The following TREML4 variants were observed in gnomAD, a reference collection of about 807,000 sequenced individuals.
The protein encoded by TREML4 is triggering receptor expressed on myeloid cells like 4.
Under a neutral mutation model 25.4 loss-of-function variants are expected in TREML4, and 25 were observed. That is an observed-to-expected ratio of 0.98 (90% CI 0.72 to 1.37). The LOEUF (loss-of-function observed/expected upper bound fraction) is 1.37. Among genes scored for constraint, TREML4 ranks in the 40% most tolerant of loss-of-function variants. The pLI, the probability that TREML4 is intolerant of heterozygous loss-of-function variation, is 0.00. For missense variants in TREML4, 268 were observed against 236.5 expected (o/e 1.13, Z -0.87); for synonymous variants, 92 against 87.9 (o/e 1.05, Z -0.26).
rs571044619 is a variant in TREML4, at chr6:41,228,913, A to G, written c.263A>G (p.Asn88Ser). Residue 88 changes from asparagine to serine, a missense_variant, in exon 2 of 6, where the codon AAT (asparagine) becomes AGT (serine). Transcript: ENST00000341495. ...CATTACACAATCTGGGACAAGCCCA[A>G]TGCTGGCTTCTTCAACATCACCATG... ...KSHYTIWDKP[N>S]AGFFNITMIQ... is the part of the protein sequence containing the mutation. 21 of 1,614,070 alleles carry G rather than the reference A, an allele frequency of 1.3e-5. No individual in the cohort carries two copies. Among genetic ancestry groups the G allele is most frequent in the South Asian group, 2.2e-5 (2 of 91,086 alleles).
At chr6:41,233,946 T>A (rs1487248102) in intron 4 of TREML4, among the ~76,000 whole-genome samples, 1 of 151,652 alleles carries the variant, frequency 6.6e-6, no homozygotes, top group Non-Finnish European at 1.5e-5. Flanking sequence ...ATATTATGTA[T>A]GTTTTATAAA....
At position 41,237,448 on chromosome 6, in the gene TREML4, C is replaced by G. The variant is rs1235538687; in HGVS notation, c.*429C>G. The G allele has an allele frequency of 6.6e-6, 1 of 152,430 alleles. No homozygotes were observed. Among genetic ancestry groups the G allele is most frequent in the African/African-American group, 2.4e-5 (1 of 41,446 alleles). 9.4% of individuals were successfully genotyped at this position (152,430 alleles called of 1,614,324 possible). ...CTCTGAGCCCCACCTCAGCAGGTCTCCAGGATCCCTCACATTTCCCCTGTT... is the reference window on the plus strand; with the variant it reads ...CTCTGAGCCCCACCTCAGCAGGTCTGCAGGATCCCTCACATTTCCCCTGTT... On this transcript the variant is annotated 3_prime_UTR_variant, in exon 6 of 6. Coordinates refer to ENST00000341495, the MANE Select transcript of TREML4 (RefSeq NM_198153.3).
intron 4 of TREML4, 48 bp downstream of exon 4, chr6:41,230,170 GC>G (rs755659129): frequency 6.9e-7 from 1 of 1,457,344 alleles, no homozygotes; most frequent in East Asian, 2.3e-5. Context: ...GGAAGGGAGG[GC>G]CTGATTAGCT....
At position 41,228,379 on chromosome 6, in the gene TREML4, C is replaced by A; in HGVS notation, c.-49C>A. 6 of 1,446,666 alleles carry A rather than the reference C, an allele frequency of 4.1e-6. No homozygotes were observed. The highest frequency in any genetic ancestry group is 1.3e-5 in the South Asian group (1 of 79,304). 89.6% of individuals were successfully genotyped at this position (1,446,666 alleles called of 1,614,324 possible). A position where few individuals can be genotyped will look rare whatever the true frequency, so the allele number is the denominator to read the frequency against. On this transcript the variant is annotated 5_prime_UTR_variant, in exon 1 of 6. Transcript: ENST00000341495. ...CAGCGTCTGACTCCTCCTGAGAGGG[C>A]TCCCTTTTTTCTCCTCTCCTCCGCT...
chr6:41,229,593 G>C, intron 3 of TREML4, 22 bp downstream of exon 3: 1 of 1,613,222 alleles, frequency 6.2e-7, no homozygotes, highest in Non-Finnish European at 8.5e-7. Flanking sequence ...GCCTCGGTGG[G>C]GGAAGATTAG....
chr6:41,236,058 A>G (rs12527692), intron 4 of TREML4, among the ~76,000 whole-genome samples: 76,479 of 151,682 alleles, frequency 0.5, 19,845 homozygotes, highest in South Asian at 0.58. Flanking sequence ...TGCTGTCACC[A>G]CTCCTAAGGG....
In TREML4 at chr6:41,228,843, T is replaced by C; in HGVS notation, c.193T>C (p.Leu65=). ...GCAGACATCTCCAAGTCGGTGTACC[T>C]TACTTGTCACCAGCTCCAAGCCCTG... The part of the protein sequence containing the change: ...CQQTSPSRCT[L]LVTSSKPWTA... Residue 65 remains leucine (L), a synonymous_variant, in exon 2 of 6, where the codon TTA becomes CTA. Coordinates refer to ENST00000341495, the MANE Select transcript of TREML4 (RefSeq NM_198153.3). The C allele has an allele frequency of 6.2e-7, 1 of 1,614,150 alleles. No individual in the cohort carries two copies. The highest frequency in any genetic ancestry group is 8.5e-7 in the Non-Finnish European group (1 of 1,180,004).
At chr6:41,231,109 A>G in intron 4 of TREML4, 1 of 446,150 alleles carries the variant, frequency 2.2e-6, no homozygotes, top group South Asian at 1.6e-5. Flanking sequence ...AATCAAGTTC[A>G]GGGCTCCCAC....
chr6:41,236,562 G>C lies in TREML4; in HGVS notation c.583G>C (p.Ala195Pro). The change falls in exon 5 of 6, where the codon GCC (alanine) becomes CCC (proline). Residue 195 changes from alanine (A) to proline (P), a missense_variant. Ala to Pro is a conservative substitution (Grantham distance 27). Coordinates refer to ENST00000341495, the MANE Select transcript of TREML4 (RefSeq NM_198153.3). Reference protein sequence around the residue: ...LVLVLCGLLLAKGLML With the variant: ...LVLVLCGLLLPKGLML ...CTTGGTGCTATGTGGACTCCTCCTG[G>C]CCAAGGGCCTGATGTTGTGAGTCCT... 1 of 1,614,020 alleles carries C rather than the reference G, an allele frequency of 6.2e-7. No homozygotes were observed. The highest frequency in any genetic ancestry group is 8.5e-7 in the Non-Finnish European group (1 of 1,179,914).
Position 41,228,355 on chromosome 6 carries a change from A to G in TREML4, c.-73A>G. On this transcript the variant is annotated 5_prime_UTR_variant, in exon 1 of 6. Coordinates refer to ENST00000341495, the MANE Select transcript of TREML4 (RefSeq NM_198153.3). ...GGGAACCTGGGGCAGAATCAGACCC[A>G]GCGTCTGACTCCTCCTGAGAGGGCT... The G allele has an allele frequency of 4.2e-6, 4 of 947,530 alleles. No homozygotes were observed. The highest frequency in any genetic ancestry group is 5.9e-6 in the Non-Finnish European group (4 of 672,960). 58.7% of individuals were successfully genotyped at this position (947,530 alleles called of 1,614,324 possible).
At position 41,229,025 on chromosome 6, in the gene TREML4, C is replaced by G. The variant is rs1766735396; in HGVS notation, c.375C>G (p.Ile125Met). 6.2e-7 allele frequency: 1 copy of G among 1,613,614 alleles called. No homozygotes were observed. The highest frequency in any genetic ancestry group is 1.3e-5 in the African/African-American group (1 of 75,002). The change falls in exon 2 of 6, where the codon ATC (isoleucine) becomes ATG (methionine). Residue 125 changes from isoleucine to methionine, a missense_variant. Ile to Met is a conservative substitution (Grantham distance 10). Transcript: ENST00000341495. Reference protein sequence around the residue: ...SENIITVLRNISLVVSPAPTT... With the variant: ...SENIITVLRNMSLVVSPAPTT... ...ACATCATCACTGTTCTTAGAAATAT[C>G]AGCCTGGTGGTGTCTCCAGGTGAGC...
intron 4 of TREML4, among the ~76,000 whole-genome samples, chr6:41,231,599 C>T (rs991348304): frequency 1.1e-4 from 17 of 151,228 alleles, no homozygotes; most frequent in Admixed American, 4.6e-4. Context: ...ATCATGAGGA[C>T]GATCCATTGG....
At chr6:41,232,809 AACAGGAAGCG>A (rs1766827527) in intron 4 of TREML4, among the ~76,000 whole-genome samples, 1 of 152,156 alleles carries the variant, frequency 6.6e-6, no homozygotes, top group African/African-American at 2.4e-5. Flanking sequence ...CCACTGATCT[AACAGGAAGCG>A]AAGCTCAGGC....
rs569239342 is a variant in TREML4 at position 41,233,210 on chromosome 6, A to G, written c.506+3088A>G. On this transcript the variant is annotated intron_variant, in intron 4 of 5. Transcript: ENST00000341495. ...ATCGAATTTTTAAAAAATAAAGCACAATAAATGGAAAAAATGAAATAAAAA... is the reference window on the plus strand; with the variant it reads ...ATCGAATTTTTAAAAAATAAAGCACGATAAATGGAAAAAATGAAATAAAAA... 9.8e-5 allele frequency among the ~76,000 whole-genome samples: 15 copies of G among 152,354 alleles called. No homozygotes were observed. The South Asian group carries it at 1.2e-3, about 13-fold the overall frequency.
chr6:41,229,460 G>A lies in TREML4; in HGVS notation c.395-61G>A, dbSNP rs897275045. On this transcript the variant is annotated intron_variant, in intron 2 of 5. Coordinates refer to ENST00000341495, the MANE Select transcript of TREML4 (RefSeq NM_198153.3). ...GGCCCCTACCTCCTCTTATGTATGGGGTAGACCCTACTCTCTTCTGGGCCC... is the reference window on the plus strand; with the variant it reads ...GGCCCCTACCTCCTCTTATGTATGGAGTAGACCCTACTCTCTTCTGGGCCC... 2.4e-5 allele frequency: 38 copies of A among 1,585,004 alleles called. No individual in the cohort carries two copies. In the African/African-American group the frequency reaches 4.6e-4, roughly 19 times the overall value.
chr6:41,229,143 G>C, intron 2 of TREML4, 99 bp downstream of exon 2: 1 of 1,116,412 alleles, frequency 9.0e-7, no homozygotes. Context: ...CCCCCATCCT[G>C]CCAGGTATTC....
intron 4 of TREML4, among the ~76,000 whole-genome samples, chr6:41,234,760 T>C (rs9349184): frequency 0.34 from 51,251 of 150,960 alleles, 8,715 homozygotes; most frequent in Middle Eastern, 0.43. Flanking sequence ...TCAAGACTCA[T>C]GTGGTTTTCA....
rs558498192 is a variant in TREML4 at position 41,238,264 on chromosome 6, A to G, written c.*1245A>G. 17 of 152,324 alleles carry G rather than the reference A, an allele frequency of 1.1e-4. No individual in the cohort carries two copies. The highest frequency in any genetic ancestry group is 3.8e-4 in the African/African-American group (16 of 41,564). 9.4% of individuals were successfully genotyped at this position (152,324 alleles called of 1,614,324 possible). A position where few individuals can be genotyped will look rare whatever the true frequency, so the allele number is the denominator to read the frequency against. On this transcript the variant is annotated 3_prime_UTR_variant, in exon 6 of 6. Transcript: ENST00000341495. Reference sequence around the variant, plus strand: ...CTATGTCCACTTGCCTTCCTCTCCGAGGCAACTACTCTAATGCATTTGGTA... The same window carrying G: ...CTATGTCCACTTGCCTTCCTCTCCGGGGCAACTACTCTAATGCATTTGGTA...
intron 4 of TREML4, among the ~76,000 whole-genome samples, chr6:41,232,868 A>G (rs79906444): frequency 0.1 from 15,325 of 152,072 alleles, 795 homozygotes; most frequent in African/African-American, 0.13. Context: ...AAATACTAAG[A>G]AGCCTTACTT....
Sources: gnomAD v4.1 joint callset for allele counts (sites outside exome capture counted in the v4.1 genomes callset) on GRCh38, gnomAD v4.1.1 for gene constraint, MANE v1.5 for transcripts, NCBI Gene and HGNC (gene_info 2026-07-23, HGNC 2026-07-21) for gene names.